PITPNC1: variants seen among roughly 807,000 people sequenced by gnomAD.
The protein encoded by PITPNC1 is phosphatidylinositol transfer protein cytoplasmic 1.
Under a neutral mutation model 44.7 loss-of-function variants are expected in PITPNC1, and 18 were observed. The observed-to-expected ratio is 0.40, with a 90% CI of 0.28 to 0.60. The LOEUF is 0.60. Among genes scored for constraint, PITPNC1 ranks in the 20% least tolerant of loss-of-function variants. The pLI, the probability that PITPNC1 is intolerant of heterozygous loss-of-function variation, is 0.39. For missense variants in PITPNC1, 290 were observed against 418.4 expected, an observed-to-expected ratio of 0.69 and a Z score of 2.68; for synonymous variants, 141 against 149.6, an observed-to-expected ratio of 0.94 and a Z score of 0.42.
intron 1 of PITPNC1, among the ~76,000 whole-genome samples, chr17:67,477,086 T>G (rs1444476909): frequency 6.6e-6 from 1 of 152,092 alleles, no homozygotes; most frequent in Non-Finnish European, 1.5e-5. Context: ...GGATGTCTTA[T>G]TTGTTTATTT....
At chr17:67,496,579 A>C (rs937231272) in intron 1 of PITPNC1, among the ~76,000 whole-genome samples, 2 of 152,052 alleles carry the variant, frequency 1.3e-5, no homozygotes, top group African/African-American at 4.8e-5. Context: ...GAAATATGGA[A>C]AGCACTCACT....
intron 4 of PITPNC1, among the ~76,000 whole-genome samples, chr17:67,577,680 A>T (rs1457734305): frequency 6.6e-6 from 1 of 151,666 alleles, no homozygotes; most frequent in Admixed American, 6.6e-5. Flanking sequence ...ATTAAAAATA[A>T]ATTTATGTTT....
At chr17:67,580,916 A>G (rs561215691) in intron 5 of PITPNC1, among the ~76,000 whole-genome samples, 1 of 152,302 alleles carries the variant, frequency 6.6e-6, no homozygotes, top group African/African-American at 2.4e-5. Flanking sequence ...GCGTGGTGGC[A>G]CACACACCTG....
chr17:67,648,392 G>A (rs895028625), intron 6 of PITPNC1, among the ~76,000 whole-genome samples: 2 of 152,192 alleles, frequency 1.3e-5, no homozygotes, highest in African/African-American at 4.8e-5. Context: ...GCTGCAAACC[G>A]AGCCAGGTTC....
rs764615646 is a variant in PITPNC1, at chr17:67,378,233, G to A, written c.48+31G>A. Reference sequence around the variant, plus strand: ...CGCCGCGCCCGGCCCGGCCTCGCCCGCTCCGGGACCCCCGCCGCTACCGCC... The same window carrying A: ...CGCCGCGCCCGGCCCGGCCTCGCCCACTCCGGGACCCCCGCCGCTACCGCC... On this transcript the variant is annotated intron_variant, in intron 1 of 8. Transcript: ENST00000581322. The A allele has an allele frequency of 1.7e-5, 24 of 1,427,770 alleles. No homozygotes were observed. The East Asian group carries it at 5.1e-4, about 31-fold the overall frequency. 88.4% of individuals were successfully genotyped at this position (1,427,770 alleles called of 1,614,324 possible).
chr17:67,482,917 T>A (rs1311016889), intron 1 of PITPNC1, among the ~76,000 whole-genome samples: 1 of 152,182 alleles, frequency 6.6e-6, no homozygotes, highest in Admixed American at 6.5e-5. Context: ...ACCTAGCTCA[T>A]TTGTGACAAA....
At position 67,693,104 on chromosome 17, in the gene PITPNC1, C is replaced by G; in HGVS notation, c.*216C>G. 5.8e-6 allele frequency: 3 copies of G among 519,878 alleles called. No homozygotes were observed. Among genetic ancestry groups the G allele is most frequent in the South Asian group, 6.0e-5 (2 of 33,578 alleles). 32.2% of individuals were successfully genotyped at this position (519,878 alleles called of 1,614,324 possible). A position where few individuals can be genotyped will look rare whatever the true frequency, so the allele number is the denominator to read the frequency against. ...TGTAAGATGTAAGACTTGCAAAGGACAGAAGGAATCTTCTGTAACCACATA... is the reference window on the plus strand; with the variant it reads ...TGTAAGATGTAAGACTTGCAAAGGAGAGAAGGAATCTTCTGTAACCACATA... On this transcript the variant is annotated 3_prime_UTR_variant, in exon 9 of 9. Coordinates refer to ENST00000581322, the MANE Select transcript of PITPNC1 (RefSeq NM_012417.4).
At chr17:67,540,260 C>T (rs1042387182) in intron 2 of PITPNC1, among the ~76,000 whole-genome samples, 2 of 152,020 alleles carry the variant, frequency 1.3e-5, no homozygotes, top group African/African-American at 4.8e-5. Flanking sequence ...CATGCTCCCA[C>T]GCCTGGCTAA....
At position 67,669,506 on chromosome 17, in the gene PITPNC1, A is replaced by T. The variant is rs1440585609; in HGVS notation, c.463-2A>T. 1 of 1,544,818 alleles carries T rather than the reference A, an allele frequency of 6.5e-7. No homozygotes were observed. Among genetic ancestry groups the T allele is most frequent in the Admixed American group, 2.2e-5 (1 of 46,372 alleles). ...CAATTTCTTTGATTTTTTTTTTTCTAGGATCCTAAGCACTTCAAGTCAGAG... is the reference window on the plus strand; with the variant it reads ...CAATTTCTTTGATTTTTTTTTTTCTTGGATCCTAAGCACTTCAAGTCAGAG... On this transcript the variant is annotated splice_acceptor_variant, in intron 6 of 8. Coordinates refer to ENST00000581322, the MANE Select transcript of PITPNC1 (RefSeq NM_012417.4). LOFTEE classifies it high-confidence loss of function.
intron 4 of PITPNC1, among the ~76,000 whole-genome samples, chr17:67,563,352 A>G (rs2040930658): frequency 6.6e-6 from 1 of 152,230 alleles, no homozygotes; most frequent in African/African-American, 2.4e-5. Flanking sequence ...AGAAGAATGC[A>G]TTGAATTCCA....
intron 5 of PITPNC1, among the ~76,000 whole-genome samples, chr17:67,611,123 A>G (rs909239264): frequency 2.0e-5 from 3 of 152,198 alleles, no homozygotes; most frequent in Non-Finnish European, 4.4e-5. Context: ...AATAAAAATT[A>G]AAACTTTGAG....
chr17:67,556,495 G>A (rs1009565454), intron 4 of PITPNC1, among the ~76,000 whole-genome samples: 4 of 152,198 alleles, frequency 2.6e-5, no homozygotes, highest in Admixed American at 1.3e-4. Context: ...AGATGGTGGT[G>A]TGGAAGAACT....
intron 6 of PITPNC1, among the ~76,000 whole-genome samples, chr17:67,662,662 C>G (rs1333005940): frequency 6.6e-6 from 1 of 152,178 alleles, no homozygotes; most frequent in Non-Finnish European, 1.5e-5. Flanking sequence ...CTGGACATTT[C>G]ATATCCATGG....
At chr17:67,553,707 A>G in intron 4 of PITPNC1, 90 bp downstream of exon 4, 1 of 496,586 alleles carries the variant, frequency 2.0e-6, no homozygotes, top group Non-Finnish European at 3.6e-6. Context: ...TATCAATGTA[A>G]TAATTAAAAA....
chr17:67,672,074 C>T (rs1348445110), intron 7 of PITPNC1, among the ~76,000 whole-genome samples: 3 of 151,846 alleles, frequency 2.0e-5, no homozygotes, highest in Non-Finnish European at 4.4e-5. Flanking sequence ...AGCTGAGGCA[C>T]AGGTGCATGC....
chr17:67,608,269 A>T (rs1177605414), intron 5 of PITPNC1, among the ~76,000 whole-genome samples: 1 of 142,534 alleles, frequency 7.0e-6, no homozygotes, highest in African/African-American at 2.7e-5. Flanking sequence ...AAAAAAAAAA[A>T]CCACTTCCTA....
intron 4 of PITPNC1, among the ~76,000 whole-genome samples, chr17:67,558,421 G>A (rs2040866359): frequency 6.6e-6 from 1 of 151,984 alleles, no homozygotes; most frequent in Non-Finnish European, 1.5e-5. Flanking sequence ...GGTGCCTGAG[G>A]AGACTGGCTG....
chr17:67,442,227 A>G (rs1945600066), intron 1 of PITPNC1, among the ~76,000 whole-genome samples: 1 of 114,684 alleles, frequency 8.7e-6, no homozygotes, highest in South Asian at 2.7e-4. Context: ...ATATATATAT[A>G]TATATATATA....
At chr17:67,514,076 C>T (rs536066570) in intron 1 of PITPNC1, among the ~76,000 whole-genome samples, 3 of 148,632 alleles carry the variant, frequency 2.0e-5, no homozygotes, top group South Asian at 2.1e-4. Flanking sequence ...GTAGAAGATA[C>T]GGAGCTTGTT....
Sources: allele counts gnomAD v4.1 joint callset (sites outside exome capture counted in the v4.1 genomes callset), GRCh38; gene constraint gnomAD v4.1.1; transcripts MANE v1.5; gene names NCBI Gene and HGNC (gene_info 2026-07-23, HGNC 2026-07-21).